The following CCSER1 variants were observed in gnomAD, a reference collection of about 807,000 sequenced individuals.
The protein encoded by CCSER1 is coiled-coil serine rich protein 1.
In CCSER1, 41 loss-of-function variants were observed where a neutral mutation model predicts 82.0. The ratio of observed to expected loss-of-function variants is 0.50; its 90% confidence interval spans 0.39 to 0.65. The LOEUF is 0.65. Ranked by LOEUF, CCSER1 falls within the 30% of genes least tolerant of loss-of-function variation. The pLI, the probability that CCSER1 is intolerant of heterozygous loss-of-function variation, is 0.00. For synonymous variants in CCSER1, 414 were observed against 383.9 expected, an observed-to-expected ratio of 1.08 and a Z score of -0.92; for missense variants, 1,119 against 1,064.2, an observed-to-expected ratio of 1.05 and a Z score of -0.72.
chr4:90,764,689 A>T (rs931071457), intron 7 of CCSER1, among the ~76,000 whole-genome samples: 6 of 152,134 alleles, frequency 3.9e-5, no homozygotes, highest in African/African-American at 1.4e-4. Context: ...CAATTATAAG[A>T]TATAGGACAT....
chr4:90,908,583 TC>T (rs1420294676), intron 8 of CCSER1, among the ~76,000 whole-genome samples: 1 of 152,134 alleles, frequency 6.6e-6, no homozygotes, highest in East Asian at 1.9e-4. Context: ...ATATCCAAAA[TC>T]GTATGATTTT....
chr4:90,455,813 C>T (rs1762090813), intron 4 of CCSER1, among the ~76,000 whole-genome samples: 1 of 152,166 alleles, frequency 6.6e-6, no homozygotes, highest in Non-Finnish European at 1.5e-5. Flanking sequence ...TGACCTCCAT[C>T]CACGATGCAG....
chr4:90,131,525 A>G (rs1722828041), intron 1 of CCSER1, among the ~76,000 whole-genome samples: 1 of 152,186 alleles, frequency 6.6e-6, no homozygotes, highest in African/African-American at 2.4e-5. Flanking sequence ...GAATAACAGT[A>G]TTAATAGTGA....
intron 5 of CCSER1, among the ~76,000 whole-genome samples, chr4:90,504,665 C>T (rs185873752): frequency 6.6e-6 from 1 of 152,110 alleles, no homozygotes; most frequent in Non-Finnish European, 1.5e-5. Flanking sequence ...AAATTCTCAC[C>T]TCATATAGCA....
Position 90,510,286 on chromosome 4 carries a change from A to T in CCSER1, c.1724+41932A>T, listed in dbSNP as rs540834643. On this transcript the variant is annotated intron_variant, in intron 5 of 10. Coordinates refer to ENST00000509176, the MANE Select transcript of CCSER1 (RefSeq NM_001145065.2). ...TGAGACTGAGATCAATAAAGGTATT[A>T]AATGGTTTCTAAATAGCCAAAATAC... Among the ~76,000 whole-genome samples the T allele has an allele frequency of 2.6e-5, 4 of 152,342 alleles. No homozygotes were observed. In the East Asian group the frequency reaches 7.7e-4, roughly 29 times the overall value.
At chr4:91,559,323 A>T (rs549839952) in intron 10 of CCSER1, among the ~76,000 whole-genome samples, 2 of 151,718 alleles carry the variant, frequency 1.3e-5, no homozygotes, top group East Asian at 3.9e-4. Flanking sequence ...CATCTTCAAG[A>T]ATTCTCCAAA....
At chr4:90,588,918 G>C (rs1023850332) in intron 5 of CCSER1, among the ~76,000 whole-genome samples, 1 of 152,096 alleles carries the variant, frequency 6.6e-6, no homozygotes, top group African/African-American at 2.4e-5. Context: ...CCCAGTCTCA[G>C]GTATGTCTTT....
intron 8 of CCSER1, among the ~76,000 whole-genome samples, chr4:90,863,915 T>C (rs897191096): frequency 6.6e-6 from 1 of 151,524 alleles, no homozygotes; most frequent in South Asian, 2.1e-4. Context: ...CTGGATCAGA[T>C]TTTTTTCTAC....
chr4:90,256,817 A>C (rs970941435), intron 1 of CCSER1, among the ~76,000 whole-genome samples: 2 of 152,148 alleles, frequency 1.3e-5, no homozygotes, highest in African/African-American at 4.8e-5. Context: ...TGGTATAAAA[A>C]TAGTTGAATA....
At chr4:90,389,042 T>C (rs1388493181) in intron 3 of CCSER1, among the ~76,000 whole-genome samples, 5 of 152,192 alleles carry the variant, frequency 3.3e-5, no homozygotes, top group African/African-American at 9.7e-5. Flanking sequence ...AGGAAAAATA[T>C]CCATGCCACA....
chr4:90,175,844 A>G (rs11934796), intron 1 of CCSER1, among the ~76,000 whole-genome samples: 42,758 of 151,776 alleles, frequency 0.28, 7,611 homozygotes, highest in East Asian at 0.65. Flanking sequence ...TAGCTACTCA[A>G]AAGAGTGTGA....
intron 2 of CCSER1, among the ~76,000 whole-genome samples, chr4:90,309,976 T>G (rs1361804889): frequency 6.6e-6 from 1 of 152,130 alleles, no homozygotes. Flanking sequence ...GAGTTTATTA[T>G]AGAGGCATTG....
intron 8 of CCSER1, among the ~76,000 whole-genome samples, chr4:90,862,254 A>G (rs944125734): frequency 4.0e-5 from 6 of 151,858 alleles, no homozygotes; most frequent in African/African-American, 1.4e-4. Flanking sequence ...TTGTGTTTTC[A>G]TATGCACTTA....
chr4:91,191,977 G>A (rs1239357647), intron 10 of CCSER1, among the ~76,000 whole-genome samples: 1 of 152,102 alleles, frequency 6.6e-6, no homozygotes, highest in Admixed American at 6.6e-5. Context: ...CTCTCCTTCT[G>A]TTCTGCCTTT....
At chr4:90,586,513 A>G (rs1361438157) in intron 5 of CCSER1, among the ~76,000 whole-genome samples, 2 of 152,204 alleles carry the variant, frequency 1.3e-5, no homozygotes, top group South Asian at 4.1e-4. Flanking sequence ...AAACTGGTTC[A>G]AAGGATTATT....
intron 1 of CCSER1, among the ~76,000 whole-genome samples, chr4:90,218,738 A>C (rs1210057090): frequency 6.6e-6 from 1 of 152,196 alleles, no homozygotes; most frequent in Non-Finnish European, 1.5e-5. Context: ...GAAAAAGATT[A>C]GGCCAGGTGT....
At chr4:91,000,130 G>A (rs1411080303) in intron 9 of CCSER1, among the ~76,000 whole-genome samples, 1 of 151,744 alleles carries the variant, frequency 6.6e-6, no homozygotes, top group Non-Finnish European at 1.5e-5. Flanking sequence ...TATCTATTCT[G>A]TTCCATTGGT....
chr4:90,718,840 C>T (rs901834453), intron 6 of CCSER1, among the ~76,000 whole-genome samples: 11 of 152,138 alleles, frequency 7.2e-5, no homozygotes, highest in South Asian at 2.1e-4. Context: ...ACAGTACAGA[C>T]GAGTCCCATA....
At chr4:90,522,318 T>C (rs760879699) in intron 5 of CCSER1, among the ~76,000 whole-genome samples, 1 of 152,210 alleles carries the variant, frequency 6.6e-6, no homozygotes, top group Admixed American at 6.5e-5. Flanking sequence ...GGTTCTGTTA[T>C]AGAATATTTC....
Sources: gnomAD v4.1 joint callset for allele counts (sites outside exome capture counted in the v4.1 genomes callset) on GRCh38, gnomAD v4.1.1 for gene constraint, MANE v1.5 for transcripts, NCBI Gene and HGNC (gene_info 2026-07-23, HGNC 2026-07-21) for gene names.